RBM44: variants seen among roughly 807,000 people sequenced by gnomAD.
RBM44 encodes the protein RNA-binding protein 44.
Under a neutral mutation model 105.1 loss-of-function variants are expected in RBM44, and 66 were observed. That is an observed-to-expected ratio of 0.63 (90% confidence interval 0.52 to 0.77). The LOEUF is 0.77. Ranked by LOEUF, RBM44 falls within the 30% of genes least tolerant of loss-of-function variation. The probability of loss-of-function intolerance (pLI) is 0.00; values close to 1 mark genes in which losing one functional copy is unlikely to be tolerated. For synonymous variants in RBM44, 365 were observed against 417.6 expected, an observed-to-expected ratio of 0.87 and a Z score of 1.54; for missense variants, 1,122 against 1,207.8, an observed-to-expected ratio of 0.93 and a Z score of 1.05.
intron 1 of RBM44, among the ~76,000 whole-genome samples, chr2:237,811,040 C>G (rs899942811): frequency 6.6e-6 from 1 of 152,076 alleles, no homozygotes; most frequent in Non-Finnish European, 1.5e-5. Flanking sequence ...TCACGCCCTT[C>G]AGCTGCTGCA....
intron 2 of RBM44, among the ~76,000 whole-genome samples, chr2:237,815,269 G>A (rs1338542332): frequency 6.6e-6 from 1 of 152,148 alleles, no homozygotes; most frequent in African/African-American, 2.4e-5. Context: ...AAACAACTCT[G>A]TCGTCTCCAA....
At chr2:237,832,354 A>G (rs543667417) in intron 13 of RBM44, among the ~76,000 whole-genome samples, 7 of 152,056 alleles carry the variant, frequency 4.6e-5, no homozygotes, top group Non-Finnish European at 8.8e-5. Context: ...AGGTCGTGCT[A>G]TGTTGCCCAG....
chr2:237,818,966 C>T lies in RBM44; in HGVS notation c.1736+7C>T. 7.2e-7 allele frequency: 1 copy of T among 1,395,022 alleles called. No individual in the cohort carries two copies. Among genetic ancestry groups the T allele is most frequent in the Non-Finnish European group, 9.9e-7 (1 of 1,015,064 alleles). 86.4% of individuals were successfully genotyped at this position (1,395,022 alleles called of 1,614,324 possible). A position where few individuals can be genotyped will look rare whatever the true frequency, so the allele number is the denominator to read the frequency against. On this transcript the variant is annotated splice_region_variant and intron_variant, in intron 4 of 15. Coordinates refer to ENST00000316997, the MANE Select transcript of RBM44 (RefSeq NM_001080504.3). This position sits in a 1 kb window ranked among gnomAD's most constrained non-coding sequence, Gnocchi z 4.6. Reference sequence around the variant, plus strand: ...TAAAGAAACATCCTGAGAGGTACATCATTTATATATGCTTACAGATACATC... The same window carrying T: ...TAAAGAAACATCCTGAGAGGTACATTATTTATATATGCTTACAGATACATC...
Position 237,842,352 on chromosome 2 carries a change from A to C in RBM44, c.*536A>C, listed in dbSNP as rs960921370. On this transcript the variant is annotated 3_prime_UTR_variant, in exon 16 of 16. Coordinates refer to ENST00000316997, the MANE Select transcript of RBM44 (RefSeq NM_001080504.3). The stretch of plus-strand genomic sequence containing the variant: ...AACATTTTGGAATGTGTATGCTTTC[A>C]GGCTTCCAAGATAATTAAATTACTG... 2.0e-5 allele frequency: 3 copies of C among 152,124 alleles called. No homozygotes were observed. The allele number at this position is 152,124 out of a possible 1,614,324, so 9.4% of individuals were successfully genotyped here.
In RBM44 at chr2:237,821,252, AGGG is replaced by A. The variant is rs2061785031; in HGVS notation, c.2096_2097+1del. 3.1e-6 allele frequency: 5 copies of A among 1,592,350 alleles called. No individual in the cohort carries two copies. The highest frequency in any genetic ancestry group is 4.3e-6 in the Non-Finnish European group (5 of 1,168,118). On this transcript the variant is annotated splice_donor_variant and coding_sequence_variant, in exon 6 of 16. Coordinates refer to ENST00000316997, the MANE Select transcript of RBM44 (RefSeq NM_001080504.3). LOFTEE classifies it high-confidence loss of function. The stretch of plus-strand genomic sequence containing the variant: ...ATCTACCTTCTCTACTTTTGCTTCC[AGGG>A]TATGTATATATGTTTTAGAAATAAA...
rs1476994770 is a variant in RBM44 at position 237,818,295 on chromosome 2, G to C, written c.1376G>C (p.Ser459Thr). 7.4e-6 allele frequency: 12 copies of C among 1,613,344 alleles called. No individual in the cohort carries two copies. Among genetic ancestry groups the C allele is most frequent in the Non-Finnish European group, 1.0e-5 (12 of 1,179,536 alleles). ...MCTKSLTDAASCTVTINQTVD... is the reference protein window; with the variant it reads ...MCTKSLTDAATCTVTINQTVD... ...ACTAAATCATTGACAGATGCAGCAA[G>C]TTGTACAGTCACAATTAATCAGACA... The change falls in exon 3 of 16, where the codon AGT (serine) becomes ACT (threonine). Residue 459 changes from serine to threonine, a missense_variant. Physicochemically the swap from Ser to Thr is moderately conservative, Grantham distance 58 (BLOSUM62 1). Around this residue, in one of 3 missense-constraint regions of RBM44, gnomAD observed 918 missense variants for 955.3 expected, o/e 0.96. Transcript: ENST00000316997. This position sits in a 1 kb window ranked among gnomAD's most constrained non-coding sequence, Gnocchi z 4.6.
At chr2:237,825,139 G>A (rs1466983362) in intron 10 of RBM44, among the ~76,000 whole-genome samples, 2 of 151,856 alleles carry the variant, frequency 1.3e-5, no homozygotes, top group East Asian at 3.9e-4. Context: ...CCATTTTTAT[G>A]CATTTTCTTA....
At chr2:237,810,614 T>C (rs1180796246) in intron 1 of RBM44, among the ~76,000 whole-genome samples, 3 of 152,234 alleles carry the variant, frequency 2.0e-5, no homozygotes, top group Non-Finnish European at 4.4e-5. Context: ...AAAGATTTAT[T>C]TGCAAGGGCA....
chr2:237,804,795 A>C (rs1280091114), intron 1 of RBM44, among the ~76,000 whole-genome samples: 1 of 152,156 alleles, frequency 6.6e-6, no homozygotes, highest in Non-Finnish European at 1.5e-5. Context: ...TAAGCTCTTT[A>C]GTTTAATTAG....
chr2:237,806,977 A>T (rs2061605165), intron 1 of RBM44, among the ~76,000 whole-genome samples: 1 of 152,196 alleles, frequency 6.6e-6, no homozygotes, highest in Non-Finnish European at 1.5e-5. Context: ...TAAATTCTCT[A>T]AAACTGCATA....
intron 13 of RBM44, among the ~76,000 whole-genome samples, chr2:237,831,980 CCTCTGCTCT>C (rs1258730194): frequency 6.6e-6 from 1 of 152,066 alleles, no homozygotes; most frequent in Non-Finnish European, 1.5e-5. Context: ...TGGTCTCCTG[CCTCTGCTCT>C]CCCTGTGTTC....
intron 1 of RBM44, among the ~76,000 whole-genome samples, chr2:237,804,756 ACTCTGTTGATAGTGTCTTTTGCTGTGCAT>A (rs1423816954): frequency 2.6e-4 from 39 of 152,116 alleles, no homozygotes; most frequent in Admixed American, 2.0e-3. Context: ...TTGTCTGTTT[ACTCTGTTGATAGTGTCTTTTGCTGTGCAT>A]AAGCTCTTTA....
At chr2:237,823,651 C>T in intron 9 of RBM44, 97 bp downstream of exon 9, 1 of 613,582 alleles carries the variant, frequency 1.6e-6, no homozygotes, top group South Asian at 2.1e-5. Flanking sequence ...AATAAATTTT[C>T]TTAATTGATG....
chr2:237,821,649 T>G (rs561523091), intron 7 of RBM44, 94 bp from the exon 8 acceptor site: 1 of 882,618 alleles, frequency 1.1e-6, no homozygotes, highest in East Asian at 2.6e-5. Flanking sequence ...GTCCTCTCTT[T>G]TAGCTACTTT....
rs1267236793 is a variant in RBM44, at chr2:237,824,935, A to G, written c.2449+516A>G. Among the ~76,000 whole-genome samples the G allele has an allele frequency of 4.0e-5, 6 of 151,868 alleles. No homozygotes were observed. In the East Asian group the frequency reaches 1.2e-3, roughly 29 times the overall value. The stretch of plus-strand genomic sequence containing the variant: ...CCTTCTGTCATTTCTAGTTAAGTTT[A>G]TGCTACCTTTCCTTATTTTTTCTGT... On this transcript the variant is annotated intron_variant, in intron 10 of 15. Coordinates refer to ENST00000316997, the MANE Select transcript of RBM44 (RefSeq NM_001080504.3).
intron 13 of RBM44, among the ~76,000 whole-genome samples, chr2:237,832,094 G>C (rs74444079): frequency 1.3e-5 from 2 of 150,442 alleles, no homozygotes; most frequent in Admixed American, 1.3e-4. Flanking sequence ...TTCTAACTCT[G>C]TATTTTCAAT....
At chr2:237,827,528 G>A (rs1188513363) in intron 12 of RBM44, 25 bp downstream of exon 12, 4 of 1,279,120 alleles carry the variant, frequency 3.1e-6, no homozygotes, top group South Asian at 1.3e-5. Context: ...TTTAATCAAT[G>A]TGCATTATTA....
rs2061857850 is a variant in RBM44 at position 237,827,346 on chromosome 2, T to A, written c.2529+17T>A. 6.6e-7 allele frequency: 1 copy of A among 1,515,742 alleles called. No homozygotes were observed. The highest frequency in any genetic ancestry group is 1.4e-5 in the African/African-American group (1 of 72,492). The allele number at this position is 1,515,742 out of a possible 1,614,324, so 93.9% of individuals were successfully genotyped here. On this transcript the variant is annotated intron_variant, in intron 11 of 15. Transcript: ENST00000316997. ...GTATCTGAGGTATACCAGGATTATTTTTTTGAGCTTCATTTTCAAATTTAT... is the reference window on the plus strand; with the variant it reads ...GTATCTGAGGTATACCAGGATTATTATTTTGAGCTTCATTTTCAAATTTAT...
At chr2:237,823,110 G>T (rs2061810639) in intron 8 of RBM44, among the ~76,000 whole-genome samples, 1 of 148,836 alleles carries the variant, frequency 6.7e-6, no homozygotes, top group African/African-American at 2.4e-5. Flanking sequence ...ATAAATATTT[G>T]TGTATATATA....
Sources: allele counts gnomAD v4.1 joint callset (sites outside exome capture counted in the v4.1 genomes callset), GRCh38; gene constraint gnomAD v4.1.1; regional missense constraint gnomAD v4.1.1; non-coding constraint Gnocchi (gnomAD v3.1); transcripts MANE v1.5; gene names NCBI Gene and HGNC (gene_info 2026-07-23, HGNC 2026-07-21).